FBXL7: variants seen among roughly 807,000 people sequenced by gnomAD.
The protein encoded by FBXL7 is F-box and leucine rich repeat protein 7, also known as F-box/LRR-repeat protein 7.
FBXL7 carries 12 observed loss-of-function variants against 38.3 expected under a neutral mutation model. That is an observed-to-expected ratio of 0.31 (90% CI 0.20 to 0.51). FBXL7 has a LOEUF of 0.51. FBXL7 is among the 20% of genes least tolerant of loss of function. The probability of loss-of-function intolerance (pLI) is 0.98; values close to 1 mark genes in which losing one functional copy is unlikely to be tolerated. For missense variants in FBXL7, 567 were observed against 676.4 expected, an observed-to-expected ratio of 0.84 and a Z score of 1.79; for synonymous variants, 297 against 300.9, an observed-to-expected ratio of 0.99 and a Z score of 0.13.
intron 2 of FBXL7, among the ~76,000 whole-genome samples, chr5:15,914,009 G>A (rs1741514966): frequency 6.6e-6 from 1 of 152,154 alleles, no homozygotes; most frequent in African/African-American, 2.4e-5. Context: ...TTCAACAGTA[G>A]AGATCTTAAA....
In FBXL7 at chr5:15,527,420, A is replaced by G. The variant is rs73751969; in HGVS notation, c.37+26707A>G. On this transcript the variant is annotated intron_variant, in intron 1 of 3. Transcript: ENST00000504595. The stretch of plus-strand genomic sequence containing the variant: ...GTCTCCGAGAGTTAGCATATACCAG[A>G]AATTAACGTTTTCAATATTATTATG... Among the ~76,000 whole-genome samples the G allele has an allele frequency of 9.0e-3, 1,366 of 152,304 alleles. 18 individuals carry two copies. Among genetic ancestry groups the G allele is most frequent in the African/African-American group, 0.03 (1,267 of 41,558 alleles).
intron 2 of FBXL7, among the ~76,000 whole-genome samples, chr5:15,804,900 A>G (rs1215098801): frequency 6.6e-6 from 1 of 152,144 alleles, no homozygotes; most frequent in African/African-American, 2.4e-5. Context: ...CCTGGTGCCA[A>G]AAAGATTGGG....
chr5:15,843,710 C>T (rs540540325), intron 2 of FBXL7, among the ~76,000 whole-genome samples: 2 of 152,084 alleles, frequency 1.3e-5, no homozygotes, highest in African/African-American at 4.8e-5. Flanking sequence ...ATTTTATTGT[C>T]AGGTTTCATT....
intron 2 of FBXL7, among the ~76,000 whole-genome samples, chr5:15,669,263 A>G (rs747649682): frequency 6.6e-6 from 1 of 152,232 alleles, no homozygotes; most frequent in Non-Finnish European, 1.5e-5. Context: ...TTGACCTACT[A>G]AAAGGTGTAC....
At chr5:15,847,596 A>C (rs951206991) in intron 2 of FBXL7, among the ~76,000 whole-genome samples, 3 of 152,132 alleles carry the variant, frequency 2.0e-5, no homozygotes, top group Non-Finnish European at 4.4e-5. Context: ...ATGCATATGA[A>C]AGAATTTCAC....
chr5:15,539,065 C>T (rs951090252), intron 1 of FBXL7, among the ~76,000 whole-genome samples: 1 of 152,182 alleles, frequency 6.6e-6, no homozygotes, highest in Non-Finnish European at 1.5e-5. Context: ...AGATGGTTGG[C>T]TGTTTCACAT....
chr5:15,816,167 A>T (rs912567677), intron 2 of FBXL7, among the ~76,000 whole-genome samples: 29 of 152,268 alleles, frequency 1.9e-4, no homozygotes, highest in African/African-American at 5.8e-4. Context: ...CTATATGTTT[A>T]TCACAGCACA....
intron 1 of FBXL7, among the ~76,000 whole-genome samples, chr5:15,600,180 A>G (rs1739749125): frequency 6.6e-6 from 1 of 152,186 alleles, no homozygotes; most frequent in African/African-American, 2.4e-5. Flanking sequence ...GAAAACCTTC[A>G]CTGCGTATCC....
chr5:15,824,884 C>G (rs923440142), intron 2 of FBXL7, among the ~76,000 whole-genome samples: 1 of 152,256 alleles, frequency 6.6e-6, no homozygotes, highest in Admixed American at 6.5e-5. Context: ...TCAGGCCAAT[C>G]TTTTCAGTTT....
intron 2 of FBXL7, among the ~76,000 whole-genome samples, chr5:15,916,338 T>G (rs1741582668): frequency 1.3e-5 from 2 of 151,704 alleles, no homozygotes; most frequent in African/African-American, 4.8e-5. Flanking sequence ...TACTTAGACA[T>G]GTGTGTTTGA....
chr5:15,858,089 C>T (rs897217227), intron 2 of FBXL7, among the ~76,000 whole-genome samples: 4 of 151,746 alleles, frequency 2.6e-5, no homozygotes, highest in African/African-American at 9.7e-5. Context: ...AGTCTTATTC[C>T]TTTTTTTCTT....
chr5:15,894,771 A>C (rs1741042163), intron 2 of FBXL7, among the ~76,000 whole-genome samples: 2 of 152,218 alleles, frequency 1.3e-5, no homozygotes, highest in Non-Finnish European at 2.9e-5. Context: ...AATTCATAGA[A>C]GAAAATATCT....
chr5:15,755,362 A>G (rs1022440421), intron 2 of FBXL7, among the ~76,000 whole-genome samples: 2 of 152,156 alleles, frequency 1.3e-5, no homozygotes, highest in African/African-American at 4.8e-5. Flanking sequence ...TAGGCATGAA[A>G]GATGGATTTC....
At chr5:15,849,203 C>A (rs938756500) in intron 2 of FBXL7, among the ~76,000 whole-genome samples, 2 of 109,276 alleles carry the variant, frequency 1.8e-5, no homozygotes, top group Admixed American at 8.1e-5. Flanking sequence ...GCCAACTGTG[C>A]AGTGAATGCA....
At chr5:15,648,152 T>G (rs1460484402) in intron 2 of FBXL7, among the ~76,000 whole-genome samples, 1 of 152,256 alleles carries the variant, frequency 6.6e-6, no homozygotes, top group Non-Finnish European at 1.5e-5. Context: ...GCTCTGCATC[T>G]AATTTGTCTT....
intron 2 of FBXL7, among the ~76,000 whole-genome samples, chr5:15,916,561 G>A (rs1741590299): frequency 6.6e-6 from 1 of 152,192 alleles, no homozygotes; most frequent in Non-Finnish European, 1.5e-5. Context: ...GGACACCTGA[G>A]AAGCAGAAAG....
intron 1 of FBXL7, among the ~76,000 whole-genome samples, chr5:15,594,701 G>T (rs539792960): frequency 6.6e-6 from 1 of 152,346 alleles, no homozygotes; most frequent in East Asian, 1.9e-4. Context: ...CGGGAATCAG[G>T]TTTTCAGAGT....
At chr5:15,856,151 A>C (rs1376208047) in intron 2 of FBXL7, among the ~76,000 whole-genome samples, 1 of 152,104 alleles carries the variant, frequency 6.6e-6, no homozygotes, top group Non-Finnish European at 1.5e-5. Flanking sequence ...CACTTCTTAC[A>C]TGGTGGTGGC....
chr5:15,608,356 A>G (rs1364231778), intron 1 of FBXL7, among the ~76,000 whole-genome samples: 2 of 152,004 alleles, frequency 1.3e-5, no homozygotes, highest in African/African-American at 4.8e-5. Flanking sequence ...GCGTGTGCAT[A>G]TCTTTATTTT....
Sources: allele counts gnomAD v4.1 joint callset (sites outside exome capture counted in the v4.1 genomes callset), GRCh38; gene constraint gnomAD v4.1.1; transcripts MANE v1.5; gene names NCBI Gene and HGNC (gene_info 2026-07-23, HGNC 2026-07-21).